Variants in NCKAP5L observed in about 807,000 individuals in gnomAD.
The protein encoded by NCKAP5L is nck-associated protein 5-like.
Under a neutral mutation model 103.2 loss-of-function variants are expected in NCKAP5L, and 54 were observed. That is an observed-to-expected ratio of 0.52 (90% confidence interval 0.42 to 0.66). The LOEUF (loss-of-function observed/expected upper bound fraction) is 0.66, where lower values mean the gene tolerates loss of function less well. Ranked by LOEUF, NCKAP5L falls within the 30% of genes least tolerant of loss-of-function variation. NCKAP5L has a pLI of 0.00. For missense variants in NCKAP5L, 1,733 were observed against 1,750.6 expected, an observed-to-expected ratio of 0.99 and a Z score of 0.18; for synonymous variants, 762 against 748.6, an observed-to-expected ratio of 1.02 and a Z score of -0.29.
intron 1 of NCKAP5L, among the ~76,000 whole-genome samples, chr12:49,820,826 A>G (rs556028146): frequency 4.9e-4 from 74 of 152,290 alleles, no homozygotes; most frequent in African/African-American, 1.7e-3. Flanking sequence ...TTGTGATCAC[A>G]AACAGGAGTC....
rs192779558 is a variant in NCKAP5L, at chr12:49,825,453, C to G, written c.-99+2869G>C. Among the ~76,000 whole-genome samples the G allele has an allele frequency of 1.8e-3, 268 of 152,280 alleles. 3 individuals are homozygous for G. The highest frequency in any genetic ancestry group is 6.1e-3 in the African/African-American group (255 of 41,532). On this transcript the variant is annotated intron_variant, in intron 1 of 12. Coordinates refer to ENST00000335999, the MANE Select transcript of NCKAP5L (RefSeq NM_001037806.4). ...GACTCAGGCATGATGGGGTCAGGGA[C>G]CCCACTTCGGCTGTCAGGCAAGGGC...
At chr12:49,827,118 G>C (rs1946426060) in intron 1 of NCKAP5L, among the ~76,000 whole-genome samples, 1 of 152,120 alleles carries the variant, frequency 6.6e-6, no homozygotes, top group Admixed American at 6.5e-5. Context: ...TGCAAGGGAG[G>C]GTCTGCAACA....
At chr12:49,817,121 A>G (rs888560136) in intron 1 of NCKAP5L, among the ~76,000 whole-genome samples, 22 of 152,232 alleles carry the variant, frequency 1.4e-4, no homozygotes, top group Admixed American at 5.9e-4. Context: ...TCTCTACACT[A>G]AAAACTATAA....
intron 1 of NCKAP5L, among the ~76,000 whole-genome samples, chr12:49,813,133 T>G (rs966087781): frequency 6.6e-6 from 1 of 152,234 alleles, no homozygotes; most frequent in Non-Finnish European, 1.5e-5. Flanking sequence ...TTTGTATAGA[T>G]GTATGTTTTC....
chr12:49,826,060 C>T (rs1342408141), intron 1 of NCKAP5L, among the ~76,000 whole-genome samples: 1 of 150,442 alleles, frequency 6.6e-6, no homozygotes, highest in African/African-American at 2.4e-5. Context: ...GCCTGGGAGG[C>T]TGGCTGGGCT....
rs2137000117 is a variant in NCKAP5L at position 49,796,201 on chromosome 12, A to G, written c.1659T>C (p.Ser553=). 4 of 1,600,338 alleles carry G rather than the reference A, an allele frequency of 2.5e-6. No homozygotes were observed. In the East Asian group the frequency reaches 6.7e-5, roughly 27 times the overall value. ...STTLSPGPVV[S]PCYENILDLS... is the part of the protein sequence containing the mutation. ...GGTCCAGAATGTTCTCATAGCAGGG[A>G]GACACCACTGGGCCTGGGGACAGCG... is the stretch of plus-strand genomic sequence containing the variant. Residue 553 remains serine (S), a synonymous_variant, in exon 8 of 13, where the codon TCT becomes TCC. Transcript: ENST00000335999.
Position 49,796,218 on chromosome 12 carries a change from G to A in NCKAP5L, c.1642C>T (p.Pro548Ser). ...TAGCAGGGAGACACCACTGGGCCTG[G>A]GGACAGCGTGGTGGACAAGGCTGAC... ...PQSALSTTLS[P>S]GPVVSPCYEN... Residue 548 changes from proline (P) to serine (S), a missense_variant, in exon 8 of 13, where the codon CCA becomes TCA. Pro to Ser is a moderately conservative substitution (Grantham distance 74). Coordinates refer to ENST00000335999, the MANE Select transcript of NCKAP5L (RefSeq NM_001037806.4). 6.3e-7 allele frequency: 1 copy of A among 1,588,154 alleles called. No homozygotes were observed. Among genetic ancestry groups the A allele is most frequent in the South Asian group, 1.2e-5 (1 of 86,222 alleles).
chr12:49,796,420 G>A lies in NCKAP5L; in HGVS notation c.1440C>T (p.Leu480=), dbSNP rs201772695. Residue 480 remains leucine, a synonymous_variant, in exon 8 of 13, where the codon CTC becomes CTT. Coordinates refer to ENST00000335999, the MANE Select transcript of NCKAP5L (RefSeq NM_001037806.4). The part of the protein sequence containing the change: ...SPGGPQLSPQ[L]PRNSRIPCRN... ...GACAGGGGATTCGCGAGTTCCGGGG[G>A]AGCTGGGGACTGAGCTGCGGGCCTC... The A allele has an allele frequency of 1.7e-5, 26 of 1,566,080 alleles. No individual in the cohort carries two copies. In the East Asian group the frequency reaches 5.9e-4, roughly 35 times the overall value.
intron 1 of NCKAP5L, among the ~76,000 whole-genome samples, chr12:49,824,750 A>G (rs1258841327): frequency 1.3e-5 from 2 of 152,262 alleles, no homozygotes; most frequent in Non-Finnish European, 2.9e-5. Context: ...TAAGCTCCTG[A>G]GAAACCACAA....
At chr12:49,798,018 T>A (rs189579341) in intron 7 of NCKAP5L, among the ~76,000 whole-genome samples, 1 of 152,140 alleles carries the variant, frequency 6.6e-6, no homozygotes. Context: ...GCCTTCAAGT[T>A]ATTTGAGCTC....
intron 1 of NCKAP5L, among the ~76,000 whole-genome samples, chr12:49,818,244 T>C (rs549259672): frequency 6.6e-6 from 1 of 152,274 alleles, no homozygotes; most frequent in East Asian, 1.9e-4. Context: ...CAATGACTTT[T>C]TGGATATGAC....
Position 49,801,916 on chromosome 12 carries a change from G to C in NCKAP5L, c.283C>G (p.Arg95Gly). 1.2e-6 allele frequency: 2 copies of C among 1,613,978 alleles called. No homozygotes were observed. Among genetic ancestry groups the C allele is most frequent in the Non-Finnish European group, 1.7e-6 (2 of 1,179,872 alleles). The change falls in exon 6 of 13, where the codon CGG (arginine) becomes GGG (glycine). Residue 95 changes from arginine (R) to glycine (G), a missense_variant. Transcript: ENST00000335999. The stretch of plus-strand genomic sequence containing the variant: ...AGGGCACTCAGCATCTGGTTCTGCC[G>C]TTCCAGGTCAAACACTCTCTTCTTC... ...KLKKRVFDLERQNQMLSALFQ... is the reference protein window; with the variant it reads ...KLKKRVFDLEGQNQMLSALFQ...
intron 1 of NCKAP5L, among the ~76,000 whole-genome samples, chr12:49,821,128 C>T (rs1447174705): frequency 2.0e-5 from 3 of 152,110 alleles, no homozygotes; most frequent in East Asian, 3.9e-4. Context: ...GGCCTGTAGG[C>T]TTTCCAGGAA....
At chr12:49,822,924 A>T (rs1367133224) in intron 1 of NCKAP5L, among the ~76,000 whole-genome samples, 1 of 152,182 alleles carries the variant, frequency 6.6e-6, no homozygotes, top group Non-Finnish European at 1.5e-5. Context: ...CAACTACTCA[A>T]CAAGTTGATT....
chr12:49,795,388 G>A lies in NCKAP5L; in HGVS notation c.2472C>T (p.Thr824=), dbSNP rs748526708. The change falls in exon 8 of 13, where the codon ACC becomes ACT. Residue 824 remains threonine, a synonymous_variant. Coordinates refer to ENST00000335999, the MANE Select transcript of NCKAP5L (RefSeq NM_001037806.4). ...GAGCCCCAGGTCGAGGCACCACCTT[G>A]GTTGGTGACTTGGAAGGGAGCTTGG... is the stretch of plus-strand genomic sequence containing the variant. ...SPTKLPSKSP[T]KVVPRPGAPL... 6.4e-7 allele frequency: 1 copy of A among 1,572,044 alleles called. No individual in the cohort carries two copies. The highest frequency in any genetic ancestry group is 1.2e-5 in the South Asian group (1 of 83,344).
At chr12:49,823,942 C>G (rs1001962871) in intron 1 of NCKAP5L, among the ~76,000 whole-genome samples, 2 of 152,212 alleles carry the variant, frequency 1.3e-5, no homozygotes. Context: ...AGGATTTCCC[C>G]TCACAGAGAA....
Position 49,792,782 on chromosome 12 carries a change from C to A in NCKAP5L, c.3545G>T (p.Gly1182Val). ...RAHTLEREVP[G>V]IEELLVSGRH... ...CCCACTCACCAGCAGCTCCTCTATG[C>A]CTGGCACCTCCCGCTCCAGTGTGTG... Residue 1182 changes from glycine to valine, a missense_variant, in exon 11 of 13, where the codon GGC (glycine) becomes GTC (valine). Physicochemically the swap from Gly to Val is moderately radical, Grantham distance 109 (BLOSUM62 -3). Transcript: ENST00000335999. The surrounding 1 kb of genome is among the most constrained non-coding windows in gnomAD (Gnocchi z 4.5). 6.2e-7 allele frequency: 1 copy of A among 1,607,132 alleles called. No individual in the cohort carries two copies. The highest frequency in any genetic ancestry group is 8.5e-7 in the Non-Finnish European group (1 of 1,178,252).
In NCKAP5L at chr12:49,795,834, C is replaced by A; in HGVS notation, c.2026G>T (p.Glu676Ter). ...AALGKLKTGPEGALGSEKNGV... is the reference protein window; with the variant it reads ...AALGKLKTGP ...TTCTTCTCTGAGCCCAGGGCCCCCT[C>A]GGGGCCTGTCTTCAGCTTCCCCAGG... Residue 676 changes from glutamate to a stop codon, truncating the protein, a stop_gained, in exon 8 of 13, where the codon GAG (glutamate) becomes TAG (stop). Transcript: ENST00000335999. LOFTEE classifies it high-confidence loss of function. 6.4e-7 allele frequency: 1 copy of A among 1,566,152 alleles called. No homozygotes were observed. The highest frequency in any genetic ancestry group is 2.4e-5 in the East Asian group (1 of 41,862).
At chr12:49,808,797 G>A (rs1946208466) in intron 1 of NCKAP5L, among the ~76,000 whole-genome samples, 1 of 152,202 alleles carries the variant, frequency 6.6e-6, no homozygotes, top group Admixed American at 6.5e-5. Flanking sequence ...CAGGCTTCGG[G>A]TTTTTGGAAT....
Sources: gnomAD v4.1 joint callset for allele counts (sites outside exome capture counted in the v4.1 genomes callset) on GRCh38, gnomAD v4.1.1 for gene constraint, Gnocchi (gnomAD v3.1) non-coding constraint, MANE v1.5 for transcripts, NCBI Gene and HGNC (gene_info 2026-07-23, HGNC 2026-07-21) for gene names.